Variants in CTNNBL1 observed in about 807,000 individuals in gnomAD.
CTNNBL1 encodes the protein beta-catenin-like protein 1.
A neutral mutation model predicts 72.7 loss-of-function variants in CTNNBL1; 31 were observed. The ratio of observed to expected loss-of-function variants is 0.43; its 90% confidence interval spans 0.32 to 0.58. The LOEUF is 0.58. CTNNBL1 is among the 20% of genes least tolerant of loss of function. The pLI is 0.08. For synonymous variants in CTNNBL1, 240 were observed against 267.3 expected, an observed-to-expected ratio of 0.90 and a Z score of 1.00; for missense variants, 534 against 725.1, an observed-to-expected ratio of 0.74 and a Z score of 3.03.
chr20:37,731,279 A>G (rs1195008649), intron 1 of CTNNBL1, among the ~76,000 whole-genome samples: 1 of 151,250 alleles, frequency 6.6e-6, no homozygotes, highest in African/African-American at 2.4e-5. Context: ...CTTGTTGCCC[A>G]GGCTGGAGTG....
intron 10 of CTNNBL1, among the ~76,000 whole-genome samples, chr20:37,784,931 A>G (rs1241903815): frequency 6.6e-6 from 1 of 152,150 alleles, no homozygotes; most frequent in South Asian, 2.1e-4. Context: ...TCTGGTGTTG[A>G]TGAAATCCCT....
intron 11 of CTNNBL1, among the ~76,000 whole-genome samples, chr20:37,807,361 G>A (rs2071968950): frequency 6.6e-6 from 1 of 152,178 alleles, no homozygotes; most frequent in Admixed American, 6.5e-5. Flanking sequence ...TACCCATGGG[G>A]ATGGCCAGGC....
At chr20:37,770,792 GT>G (rs964894685) in intron 7 of CTNNBL1, among the ~76,000 whole-genome samples, 1 of 152,154 alleles carries the variant, frequency 6.6e-6, no homozygotes, top group Non-Finnish European at 1.5e-5. Context: ...TGCTATTTGG[GT>G]TTTTTACTGG....
intron 10 of CTNNBL1, among the ~76,000 whole-genome samples, chr20:37,801,576 C>A (rs1287989201): frequency 6.6e-6 from 1 of 151,720 alleles, no homozygotes. Flanking sequence ...TTTTTTAATT[C>A]TATGTTCATT....
At chr20:37,858,276 C>T (rs1568814771) in intron 13 of CTNNBL1, among the ~76,000 whole-genome samples, 1 of 152,190 alleles carries the variant, frequency 6.6e-6, no homozygotes, top group Admixed American at 6.5e-5. Context: ...TGAGCTAGGG[C>T]CCTACCTTCA....
At chr20:37,827,758 G>A (rs1297053252) in intron 11 of CTNNBL1, among the ~76,000 whole-genome samples, 2 of 152,174 alleles carry the variant, frequency 1.3e-5, no homozygotes, top group East Asian at 3.8e-4. Flanking sequence ...CCCTGCAGCT[G>A]TTCCAGGATG....
chr20:37,863,084 T>C (rs567918969), intron 15 of CTNNBL1, among the ~76,000 whole-genome samples: 2 of 152,172 alleles, frequency 1.3e-5, no homozygotes, highest in Non-Finnish European at 2.9e-5. Context: ...TTTCAGACAT[T>C]GTGGAATGAA....
At chr20:37,828,830 G>A (rs951049708) in intron 11 of CTNNBL1, among the ~76,000 whole-genome samples, 2 of 152,184 alleles carry the variant, frequency 1.3e-5, no homozygotes, top group African/African-American at 4.8e-5. Context: ...GAGCACACAT[G>A]CGTGACTCTT....
chr20:37,772,660 T>C (rs1019139258), intron 7 of CTNNBL1, among the ~76,000 whole-genome samples: 2 of 152,230 alleles, frequency 1.3e-5, no homozygotes, highest in African/African-American at 2.4e-5. Context: ...GTCTGAGTTT[T>C]AATAAGCCCT....
intron 10 of CTNNBL1, among the ~76,000 whole-genome samples, chr20:37,794,768 C>T (rs937498849): frequency 6.6e-6 from 1 of 152,026 alleles, no homozygotes; most frequent in Non-Finnish European, 1.5e-5. Flanking sequence ...TCCCAAAGTG[C>T]TGGGATTACA....
chr20:37,850,261 A>G (rs2072384948), intron 13 of CTNNBL1, among the ~76,000 whole-genome samples: 2 of 152,172 alleles, frequency 1.3e-5, no homozygotes, highest in South Asian at 2.1e-4. Flanking sequence ...TAGAATTTGC[A>G]TCACACTTGT....
chr20:37,776,821 C>T (rs1034326908), intron 7 of CTNNBL1, among the ~76,000 whole-genome samples: 2 of 152,088 alleles, frequency 1.3e-5, no homozygotes, highest in South Asian at 2.1e-4. Context: ...TTATGGCATG[C>T]AAGCAGATAA....
chr20:37,859,369 AAAAG>A (rs1286063230), intron 13 of CTNNBL1, among the ~76,000 whole-genome samples: 1 of 151,932 alleles, frequency 6.6e-6, no homozygotes, highest in Admixed American at 6.6e-5. Flanking sequence ...AAAAAAAAAA[AAAAG>A]AAAAGAAAAT....
chr20:37,772,079 C>T (rs1432543472), intron 7 of CTNNBL1, among the ~76,000 whole-genome samples: 2 of 152,230 alleles, frequency 1.3e-5, no homozygotes, highest in Non-Finnish European at 2.9e-5. Flanking sequence ...TTCTCTCCAT[C>T]TGTAAAGTGG....
intron 10 of CTNNBL1, among the ~76,000 whole-genome samples, chr20:37,799,343 C>T (rs868802702): frequency 2.6e-5 from 4 of 152,148 alleles, no homozygotes; most frequent in Admixed American, 6.5e-5. Flanking sequence ...CTGTCATGAC[C>T]GTGTTCCTCG....
chr20:37,770,219 T>C (rs2073509633), intron 7 of CTNNBL1, among the ~76,000 whole-genome samples: 1 of 152,248 alleles, frequency 6.6e-6, no homozygotes, highest in South Asian at 2.1e-4. Flanking sequence ...AGAACTAGAC[T>C]TGTTTCTCAT....
intron 1 of CTNNBL1, among the ~76,000 whole-genome samples, chr20:37,716,252 C>T (rs1175988823): frequency 2.0e-5 from 3 of 152,104 alleles, no homozygotes; most frequent in Non-Finnish European, 2.9e-5. Context: ...ATGTTCTTGA[C>T]GTGAGCAAGT....
chr20:37,830,126 T>A (rs1294656417), intron 11 of CTNNBL1, among the ~76,000 whole-genome samples: 6 of 50,820 alleles, frequency 1.2e-4, no homozygotes, highest in African/African-American at 4.4e-4. Flanking sequence ...GAGCCAACTG[T>A]AATTTTTTTT....
intron 1 of CTNNBL1, among the ~76,000 whole-genome samples, chr20:37,723,224 G>A (rs1056166790): frequency 6.6e-6 from 1 of 152,214 alleles, no homozygotes; most frequent in Non-Finnish European, 1.5e-5. Flanking sequence ...TAATTTTTTG[G>A]TAGGAAAAAT....
Sources: allele counts gnomAD v4.1 joint callset (sites outside exome capture counted in the v4.1 genomes callset), GRCh38; gene constraint gnomAD v4.1.1; transcripts MANE v1.5; gene names NCBI Gene and HGNC (gene_info 2026-07-23, HGNC 2026-07-21).